The following SRP19 variants were observed in gnomAD, a reference collection of about 807,000 sequenced individuals.
SRP19 encodes the protein signal recognition particle 19 kDa protein.
A neutral mutation model predicts 22.4 loss-of-function variants in SRP19; 11 were observed. The ratio of observed to expected loss-of-function variants is 0.49; its 90% CI spans 0.31 to 0.81. The LOEUF (loss-of-function observed/expected upper bound fraction) is 0.81. SRP19 is among the 40% of genes least tolerant of loss of function. The pLI is 0.05. For synonymous variants in SRP19, 61 were observed against 57.6 expected (o/e 1.06, Z -0.27); for missense variants, 168 against 175.9 (o/e 0.96, Z 0.25).
downstream of SRP19, among the ~76,000 whole-genome samples, chr5:112,870,902 G>C (rs1767744359): frequency 6.6e-6 from 1 of 152,164 alleles, no homozygotes; most frequent in Non-Finnish European, 1.5e-5. Flanking sequence ...GCCCAGGCTG[G>C]TGTGCAGCGG....
intron 4 of SRP19, among the ~76,000 whole-genome samples, chr5:112,884,789 A>G (rs949193287): frequency 2.1e-5 from 3 of 143,860 alleles, no homozygotes; most frequent in Non-Finnish European, 4.6e-5. Flanking sequence ...GCCCCCCCCC[A>G]TCTTTCTACT....
At chr5:112,871,320 G>GT (rs1343270500), downstream of SRP19, among the ~76,000 whole-genome samples, 3 of 107,702 alleles carry the variant, frequency 2.8e-5, no homozygotes, top group African/African-American at 7.6e-5. Context: ...GCCAAAAAAT[G>GT]TTTTTTTGAG....
At chr5:112,875,372 GT>G (rs5870515) in intron 4 of SRP19, among the ~76,000 whole-genome samples, 78,747 of 142,808 alleles carry the variant, frequency 0.55, 22,784 homozygotes, top group South Asian at 0.71. Flanking sequence ...TTTGTTTTTG[GT>G]TTTTTTTTTT....
downstream of SRP19, chr5:112,894,106 G>GC (rs1177795109): frequency 7.3e-6 from 1 of 137,916 alleles, no homozygotes; most frequent in Non-Finnish European, 1.5e-5. Flanking sequence ...GGTTGGTTTT[G>GC]TTTTTTTGGT....
chr5:112,892,631 G>A lies in SRP19; in HGVS notation c.*1024G>A, dbSNP rs747921634. On this transcript the variant is annotated 3_prime_UTR_variant, in exon 5 of 5. Transcript: ENST00000391338. ...CAACAATGTCCAAGAGGAAAACACT[G>A]CAACTTTCTTCATGTGTTCAGAAAT... 5 of 1,614,020 alleles carry A rather than the reference G, an allele frequency of 3.1e-6. No individual in the cohort carries two copies. In the African/African-American group the frequency reaches 6.7e-5, roughly 22 times the overall value.
Position 112,867,988 on chromosome 5 carries a change from G to T in SRP19, c.*451G>T, listed in dbSNP as rs531593381. 1 of 986,736 alleles carries T rather than the reference G, an allele frequency of 1.0e-6. No individual in the cohort carries two copies. Among genetic ancestry groups the T allele is most frequent in the Non-Finnish European group, 1.2e-6 (1 of 830,738 alleles). 61.1% of individuals were successfully genotyped at this position (986,736 alleles called of 1,614,324 possible). Reference sequence around the variant, plus strand: ...AAAATATGTAGTGAAAGTTTCCATAGTGTGAGGCTAAAACTAGAAGAAACT... The same window carrying T: ...AAAATATGTAGTGAAAGTTTCCATATTGTGAGGCTAAAACTAGAAGAAACT... On this transcript the variant is annotated 3_prime_UTR_variant, in exon 5 of 5. Coordinates refer to ENST00000505459, the MANE Select transcript of SRP19 (RefSeq NM_003135.3).
Position 112,867,733 on chromosome 5 carries a change from G to C in SRP19, c.*196G>C. The C allele has an allele frequency of 3.9e-6, 5 of 1,276,626 alleles. No homozygotes were observed. Among genetic ancestry groups the C allele is most frequent in the Non-Finnish European group, 4.0e-6 (4 of 1,010,350 alleles). The allele number at this position is 1,276,626 out of a possible 1,614,324, so 79.1% of individuals were successfully genotyped here. A position where few individuals can be genotyped will look rare whatever the true frequency, so the allele number is the denominator to read the frequency against. ...GAAGTTTGCATCTCGCGTATATGCCGTATAAAAGAATTTTTTTGTCTTTCA... is the reference window on the plus strand; with the variant it reads ...GAAGTTTGCATCTCGCGTATATGCCCTATAAAAGAATTTTTTTGTCTTTCA... On this transcript the variant is annotated 3_prime_UTR_variant, in exon 5 of 5. Transcript: ENST00000505459.
At chr5:112,881,190 G>T (rs1768066593) in intron 4 of SRP19, among the ~76,000 whole-genome samples, 1 of 144,264 alleles carries the variant, frequency 6.9e-6, no homozygotes, top group South Asian at 2.2e-4. Flanking sequence ...AAGGCTACAA[G>T]TTAAAAAATA....
chr5:112,886,364 A>G (rs927584301), intron 4 of SRP19, among the ~76,000 whole-genome samples: 1 of 152,176 alleles, frequency 6.6e-6, no homozygotes, highest in Non-Finnish European at 1.5e-5. Context: ...TGCCCTAAAT[A>G]TTTATTATGT....
At chr5:112,892,793 G>A (rs770587405) in exon 5 of SRP19, 37 of 1,613,852 alleles carry the variant, frequency 2.3e-5, no homozygotes, top group Non-Finnish European at 3.0e-5. Flanking sequence ...CAGCGGGGAA[G>A]GAGAAACCCT....
chr5:112,866,292 T>C (rs1041148943), intron 4 of SRP19, among the ~76,000 whole-genome samples: 20 of 151,706 alleles, frequency 1.3e-4, no homozygotes, highest in Non-Finnish European at 2.9e-5. Context: ...AATTTTGTAT[T>C]TTTAGTAGAG....
exon 5 of SRP19, chr5:112,891,757 C>G (rs1231365096): frequency 1.2e-6 from 2 of 1,614,096 alleles, no homozygotes; most frequent in Non-Finnish European, 1.7e-6. Flanking sequence ...TCGGCAGGAA[C>G]TTGCTCGACT....
chr5:112,874,842 C>T (rs1204311155), intron 4 of SRP19, among the ~76,000 whole-genome samples: 2 of 149,324 alleles, frequency 1.3e-5, no homozygotes, highest in Admixed American at 1.3e-4. Context: ...ATGGCGTGAT[C>T]TCGGCTCACT....
rs141113736 is a variant in SRP19, at chr5:112,861,351, C to G, written c.-26C>G. 5 of 1,614,162 alleles carry G rather than the reference C, an allele frequency of 3.1e-6. No homozygotes were observed. Among genetic ancestry groups the G allele is most frequent in the South Asian group, 1.1e-5 (1 of 91,082 alleles). The stretch of plus-strand genomic sequence containing the variant: ...TTCTGCCGGGTTTCTCCCTGCGGCT[C>G]CTGGGTTGTTGAGACTCTTGTGAAG... On this transcript the variant is annotated 5_prime_UTR_variant, in exon 1 of 5. Coordinates refer to ENST00000505459, the MANE Select transcript of SRP19 (RefSeq NM_003135.3).
intron 4 of SRP19, among the ~76,000 whole-genome samples, chr5:112,881,256 AAG>A (rs1451798048): frequency 6.6e-6 from 1 of 152,134 alleles, no homozygotes; most frequent in Non-Finnish European, 1.5e-5. Context: ...GAGTCCAGAG[AAG>A]AGAGGTCTGT....
chr5:112,888,007 A>G (rs1221827853), intron 4 of SRP19, among the ~76,000 whole-genome samples: 3 of 152,260 alleles, frequency 2.0e-5, no homozygotes, highest in African/African-American at 7.2e-5. Flanking sequence ...TTAATAAACA[A>G]TATACTGAGT....
intron 4 of SRP19, among the ~76,000 whole-genome samples, chr5:112,876,125 T>TA (rs199898689): frequency 2.8e-4 from 43 of 151,460 alleles, no homozygotes; most frequent in Middle Eastern, 3.4e-3. Context: ...ATACACAGGT[T>TA]AAAAAAAAAC....
chr5:112,887,221 T>G, intron 4 of SRP19: 1 of 1,506,188 alleles, frequency 6.6e-7, no homozygotes, highest in Non-Finnish European at 9.0e-7. Context: ...AACAGGAGGG[T>G]GGAGGGGGCA....
At chr5:112,866,116 CTTTT>C (rs67108157) in intron 4 of SRP19, among the ~76,000 whole-genome samples, 1 of 142,014 alleles carries the variant, frequency 7.0e-6, no homozygotes, top group Admixed American at 7.0e-5. Context: ...AGTCTTTTTT[CTTTT>C]TTTTTTTTTT....
Sources: gnomAD v4.1 joint callset for allele counts (sites outside exome capture counted in the v4.1 genomes callset) on GRCh38, gnomAD v4.1.1 for gene constraint, MANE v1.5 for transcripts, NCBI Gene and HGNC (gene_info 2026-07-23, HGNC 2026-07-21) for gene names.